Variants in SNX24 observed in about 807,000 individuals in gnomAD.
The protein encoded by SNX24 is sorting nexin-24.
Under a neutral mutation model 28.7 loss-of-function variants are expected in SNX24, and 22 were observed. That is an observed-to-expected ratio of 0.77 (90% CI 0.55 to 1.10). The LOEUF (loss-of-function observed/expected upper bound fraction) is 1.10. Ranked by LOEUF, SNX24 falls within the 50% of genes least tolerant of loss-of-function variation. SNX24 has a pLI of 0.00. For synonymous variants in SNX24, 69 were observed against 71.5 expected (o/e 0.96, Z 0.18); for missense variants, 221 against 201.1 (o/e 1.10, Z -0.60).
chr5:122,918,048 C>T (rs173482), intron 1 of SNX24, among the ~76,000 whole-genome samples: 101,994 of 151,398 alleles, frequency 0.67, 35,057 homozygotes, highest in East Asian at 0.89. Context: ...CCACTGCACT[C>T]CAGCCTGGGC....
At chr5:122,847,500 C>G (rs1322433353) in intron 1 of SNX24, among the ~76,000 whole-genome samples, 1 of 36,974 alleles carries the variant, frequency 2.7e-5, no homozygotes, top group African/African-American at 2.5e-4. Context: ...ATCTCTCTCT[C>G]TCTTTTTTTT....
At chr5:122,861,759 TC>T (rs1286868775) in intron 1 of SNX24, among the ~76,000 whole-genome samples, 1 of 152,102 alleles carries the variant, frequency 6.6e-6, no homozygotes, top group Non-Finnish European at 1.5e-5. Flanking sequence ...AATATGCTAG[TC>T]CCCTCTTCTC....
intron 1 of SNX24, among the ~76,000 whole-genome samples, chr5:122,880,608 A>T (rs1756436989): frequency 6.6e-6 from 1 of 152,226 alleles, no homozygotes; most frequent in Non-Finnish European, 1.5e-5. Flanking sequence ...AAAAATGTTT[A>T]GTCTGCAAGG....
chr5:123,003,717 G>A (rs1037398076), intron 6 of SNX24, among the ~76,000 whole-genome samples: 2 of 152,204 alleles, frequency 1.3e-5, no homozygotes, highest in Non-Finnish European at 2.9e-5. Context: ...TGAAGAACAG[G>A]AGGAACTTTC....
chr5:122,933,611 A>G (rs1196299010), intron 1 of SNX24, among the ~76,000 whole-genome samples: 2 of 151,926 alleles, frequency 1.3e-5, no homozygotes, highest in Non-Finnish European at 2.9e-5. Context: ...TTTTTTCCAC[A>G]TATTTTGTGC....
At chr5:122,994,523 C>T (rs1490608237) in intron 3 of SNX24, among the ~76,000 whole-genome samples, 1 of 152,192 alleles carries the variant, frequency 6.6e-6, no homozygotes, top group Admixed American at 6.5e-5. Flanking sequence ...AGAACATGTG[C>T]AACTAATCAA....
At chr5:122,884,770 G>T (rs1422436823) in intron 1 of SNX24, among the ~76,000 whole-genome samples, 2 of 152,042 alleles carry the variant, frequency 1.3e-5, no homozygotes, top group African/African-American at 4.8e-5. Context: ...GTGCTCTGTG[G>T]TTGCCGAGAG....
chr5:122,968,834 A>G (rs1037898806), intron 3 of SNX24, among the ~76,000 whole-genome samples: 4 of 152,128 alleles, frequency 2.6e-5, no homozygotes, highest in African/African-American at 9.7e-5. Context: ...AAATTTGTTT[A>G]TTACTTCATC....
intron 3 of SNX24, among the ~76,000 whole-genome samples, chr5:122,987,422 T>A (rs554929464): frequency 6.6e-6 from 1 of 152,236 alleles, no homozygotes; most frequent in African/African-American, 2.4e-5. Context: ...TGAGAACTAC[T>A]GTTCTAGAGA....
At chr5:123,025,335 C>T (rs755736766) in intron 5 of SNX24, among the ~76,000 whole-genome samples, 1 of 152,168 alleles carries the variant, frequency 6.6e-6, no homozygotes, top group Non-Finnish European at 1.5e-5. Flanking sequence ...CTGGCAACTA[C>T]CATTCTACTT....
At chr5:122,893,557 G>T (rs547055507) in intron 1 of SNX24, among the ~76,000 whole-genome samples, 3 of 151,992 alleles carry the variant, frequency 2.0e-5, no homozygotes, top group Non-Finnish European at 4.4e-5. Context: ...TGTAAAGTGT[G>T]AGCATATACA....
chr5:122,863,755 G>T (rs1276107248), intron 1 of SNX24, among the ~76,000 whole-genome samples: 1 of 152,152 alleles, frequency 6.6e-6, no homozygotes, highest in Non-Finnish European at 1.5e-5. Flanking sequence ...GGGTCTCACT[G>T]TGTTGCCAAG....
intron 5 of SNX24, among the ~76,000 whole-genome samples, chr5:123,017,113 A>G (rs918789533): frequency 1.3e-5 from 2 of 152,090 alleles, no homozygotes; most frequent in Admixed American, 6.5e-5. Context: ...CAGTCAATAC[A>G]TCATACTGCT....
chr5:122,866,348 CAT>C (rs1466116241), intron 1 of SNX24, among the ~76,000 whole-genome samples: 2 of 152,110 alleles, frequency 1.3e-5, no homozygotes, highest in Non-Finnish European at 2.9e-5. Context: ...GGGGTTTCAC[CAT>C]ATTGGCCAGG....
chr5:122,999,061 G>A (rs957337989), intron 3 of SNX24, among the ~76,000 whole-genome samples: 18 of 152,012 alleles, frequency 1.2e-4, no homozygotes, highest in African/African-American at 4.3e-4. Flanking sequence ...GAGGGGGAGG[G>A]GGAGGGGGAG....
At chr5:123,016,051 A>C (rs74412430) in intron 5 of SNX24, among the ~76,000 whole-genome samples, 2,451 of 152,352 alleles carry the variant, frequency 0.016, 59 homozygotes, top group African/African-American at 0.042. Context: ...CACAGCAGGC[A>C]ACATGGTGTT....
chr5:123,008,873 T>G lies in SNX24; in HGVS notation c.*1124T>G, dbSNP rs1762501462. 1.0e-6 allele frequency: 1 copy of G among 982,826 alleles called. No homozygotes were observed. Among genetic ancestry groups the G allele is most frequent in the Non-Finnish European group, 1.2e-6 (1 of 827,262 alleles). The allele number at this position is 982,826 out of a possible 1,614,324, so 60.9% of individuals were successfully genotyped here. A position where few individuals can be genotyped will look rare whatever the true frequency, so the allele number is the denominator to read the frequency against. On this transcript the variant is annotated 3_prime_UTR_variant, in exon 7 of 7. Coordinates refer to ENST00000261369, the MANE Select transcript of SNX24 (RefSeq NM_014035.4). ...GATAAAAGCATATATACTACCTATA[T>G]GTATGTGCTGTATGTGGGCATTTCA...
intron 1 of SNX24, among the ~76,000 whole-genome samples, chr5:122,935,651 T>C (rs892628107): frequency 6.6e-6 from 1 of 152,204 alleles, no homozygotes; most frequent in South Asian, 2.1e-4. Context: ...ATAGTCATAC[T>C]TACATGTAAG....
chr5:122,895,488 C>T (rs1404775922), intron 1 of SNX24, among the ~76,000 whole-genome samples: 1 of 152,278 alleles, frequency 6.6e-6, no homozygotes, highest in South Asian at 2.1e-4. Flanking sequence ...AGGGTGTAGG[C>T]AACCTTGGGT....
Sources: gnomAD v4.1 joint callset for allele counts (sites outside exome capture counted in the v4.1 genomes callset) on GRCh38, gnomAD v4.1.1 for gene constraint, MANE v1.5 for transcripts, NCBI Gene and HGNC (gene_info 2026-07-23, HGNC 2026-07-21) for gene names.